The following FAM184B variants were observed in gnomAD, a reference collection of about 807,000 sequenced individuals.
The protein encoded by FAM184B is protein FAM184B.
Under a neutral mutation model 135.9 loss-of-function variants are expected in FAM184B, and 111 were observed. That is an observed-to-expected ratio of 0.82 (90% confidence interval 0.70 to 0.96). The LOEUF is 0.96. Among genes scored for constraint, FAM184B ranks in the 40% least tolerant of loss-of-function variants. FAM184B has a pLI of 0.00. For missense variants in FAM184B, 1,375 were observed against 1,323.9 expected (o/e 1.04, Z -0.60); for synonymous variants, 552 against 524.8 (o/e 1.05, Z -0.71).
chr4:17,666,275 A>T (rs1716046662), intron 7 of FAM184B, among the ~76,000 whole-genome samples: 1 of 150,938 alleles, frequency 6.6e-6, no homozygotes, highest in Non-Finnish European at 1.5e-5. Context: ...CCTAAGGAAC[A>T]CTCAACACTC....
intron 1 of FAM184B, among the ~76,000 whole-genome samples, chr4:17,711,692 C>G (rs1717275414): frequency 6.6e-6 from 1 of 151,822 alleles, no homozygotes; most frequent in Non-Finnish European, 1.5e-5. Context: ...GTTGAAGCCC[C>G]AGGAATAACA....
intron 12 of FAM184B, among the ~76,000 whole-genome samples, chr4:17,646,959 A>T (rs992443581): frequency 6.6e-6 from 1 of 152,122 alleles, no homozygotes; most frequent in African/African-American, 2.4e-5. Flanking sequence ...ACTTAGGGGA[A>T]CAGCAAGGTC....
At chr4:17,770,462 TTGTTG>T (rs1718793699) in intron 1 of FAM184B, among the ~76,000 whole-genome samples, 1 of 151,988 alleles carries the variant, frequency 6.6e-6, no homozygotes, top group Non-Finnish European at 1.5e-5. Context: ...GTTGTTGTTG[TTGTTG>T]TTGTTGTTTT....
At position 17,709,488 on chromosome 4, in the gene FAM184B, G is replaced by C. The variant is rs535660257; in HGVS notation, c.298C>G (p.Arg100Gly). The C allele has an allele frequency of 6.5e-7, 1 of 1,548,118 alleles. No individual in the cohort carries two copies. The highest frequency in any genetic ancestry group is 1.4e-5 in the African/African-American group (1 of 73,072). Reference protein sequence around the residue: ...GCAEEEALLQRIQALESALEL... With the variant: ...GCAEEEALLQGIQALESALEL... Reference sequence around the variant, plus strand: ...AGGGCGCTCTCCAGGGCCTGGATGCGCTGTAGAAGGGCTTCCTCCTCTGCG... The same window carrying C: ...AGGGCGCTCTCCAGGGCCTGGATGCCCTGTAGAAGGGCTTCCTCCTCTGCG... The change falls in exon 2 of 18, where the codon CGC (arginine) becomes GGC (glycine). Residue 100 changes from arginine to glycine, a missense_variant. Arg to Gly is a moderately radical substitution (Grantham distance 125, BLOSUM62 -2). Coordinates refer to ENST00000265018, the MANE Select transcript of FAM184B (RefSeq NM_015688.2).
At chr4:17,720,756 C>T (rs1717504571) in intron 1 of FAM184B, among the ~76,000 whole-genome samples, 1 of 151,606 alleles carries the variant, frequency 6.6e-6, no homozygotes, top group South Asian at 2.1e-4. Flanking sequence ...TGTGGTGGTG[C>T]ACCCCTGTGT....
At chr4:17,737,295 A>T (rs1200056656) in intron 1 of FAM184B, among the ~76,000 whole-genome samples, 4 of 152,216 alleles carry the variant, frequency 2.6e-5, no homozygotes, top group South Asian at 2.1e-4. Flanking sequence ...AGTTTAAGAG[A>T]TCTGGTCAAT....
intron 1 of FAM184B, among the ~76,000 whole-genome samples, chr4:17,723,993 G>A (rs148958825): frequency 1.3e-5 from 2 of 151,988 alleles, no homozygotes; most frequent in Non-Finnish European, 2.9e-5. Flanking sequence ...TCTTGTTCCA[G>A]GTTTGTTTCA....
intron 1 of FAM184B, among the ~76,000 whole-genome samples, chr4:17,719,483 G>A (rs923589963): frequency 2.6e-5 from 4 of 152,078 alleles, no homozygotes; most frequent in Admixed American, 2.0e-4. Context: ...TGGAAAGCAA[G>A]ACCACAGAAA....
At position 17,709,156 on chromosome 4, in the gene FAM184B, C is replaced by T; in HGVS notation, c.630G>A (p.Leu210=). 1 of 1,548,304 alleles carries T rather than the reference C, an allele frequency of 6.5e-7. No individual in the cohort carries two copies. Among genetic ancestry groups the T allele is most frequent in the South Asian group, 1.2e-5 (1 of 84,060 alleles). ...CGGCCTTGCGGGCGTAGTCCTTGCTCAGCTGCTGGTTCTCCACTCGCAGCC... is the reference window on the plus strand; with the variant it reads ...CGGCCTTGCGGGCGTAGTCCTTGCTTAGCTGCTGGTTCTCCACTCGCAGCC... The part of the protein sequence containing the change: ...VQRLRVENQQ[L]SKDYARKAEE... The change falls in exon 2 of 18, where the codon CTG becomes CTA. Residue 210 remains leucine, a synonymous_variant. Coordinates refer to ENST00000265018, the MANE Select transcript of FAM184B (RefSeq NM_015688.2).
chr4:17,637,113 G>T (rs1031689348), intron 14 of FAM184B, among the ~76,000 whole-genome samples: 1 of 151,972 alleles, frequency 6.6e-6, no homozygotes, highest in African/African-American at 2.4e-5. Context: ...TGCAACCTCC[G>T]CCTCCCTGGT....
Position 17,636,528 on chromosome 4 carries a change from C to G in FAM184B, c.2784G>C (p.Thr928=). The part of the protein sequence containing the change: ...KEREDIIKQL[T]EERRFHYAAF... ...GTGAGGCGCCCCCTGACAGCCTCAC[C>G]GTGAGCTGCTTGATGATGTCCTCTC... The change falls in exon 15 of 18, where the codon ACG becomes ACC. Residue 928 remains threonine, a splice_region_variant and synonymous_variant. Transcript: ENST00000265018. 6.5e-7 allele frequency: 1 copy of G among 1,550,130 alleles called. No individual in the cohort carries two copies. Among genetic ancestry groups the G allele is most frequent in the Non-Finnish European group, 8.7e-7 (1 of 1,146,690 alleles).
In FAM184B at chr4:17,781,511, T is replaced by C; in HGVS notation, c.-212A>G. On this transcript the variant is annotated 5_prime_UTR_variant, in exon 1 of 18. Coordinates refer to ENST00000265018, the MANE Select transcript of FAM184B (RefSeq NM_015688.2). The surrounding 1 kb of genome is among the most constrained non-coding windows in gnomAD (Gnocchi z 6.5). ...CCACCCTTTTTCCTCTCCTGCTGGT[T>C]CTCTGGCTGGCTGGCTCCGCGGGCA... 1.9e-6 allele frequency: 1 copy of C among 532,364 alleles called. No individual in the cohort carries two copies. The allele number at this position is 532,364 out of a possible 1,614,324, so 33.0% of individuals were successfully genotyped here.
At chr4:17,687,680 G>A (rs531870010) in intron 7 of FAM184B, among the ~76,000 whole-genome samples, 33 of 152,276 alleles carry the variant, frequency 2.2e-4, no homozygotes, top group Middle Eastern at 3.4e-3. Flanking sequence ...GAAAGAGGCC[G>A]TGTGATGACA....
chr4:17,776,425 G>C (rs910977062), intron 1 of FAM184B, among the ~76,000 whole-genome samples: 1 of 152,124 alleles, frequency 6.6e-6, no homozygotes. Context: ...TTTCACTCTT[G>C]TTGCCCAGGC....
At position 17,647,790 on chromosome 4, in the gene FAM184B, C is replaced by T. The variant is rs1560167030; in HGVS notation, c.2193G>A (p.Glu731=). ...RMQAQQALLL[E]SLRQELSEQQ... Reference sequence around the variant, plus strand: ...GCTCCGACAGCTCCTGTCTGAGCGACTCTGGAAAAGGGAGAGCAGCAGTGA... The same window carrying T: ...GCTCCGACAGCTCCTGTCTGAGCGATTCTGGAAAAGGGAGAGCAGCAGTGA... The change falls in exon 12 of 18, where the codon GAG becomes GAA. Residue 731 remains glutamate, a splice_region_variant and synonymous_variant. Coordinates refer to ENST00000265018, the MANE Select transcript of FAM184B (RefSeq NM_015688.2). 9.7e-6 allele frequency: 15 copies of T among 1,549,738 alleles called. No homozygotes were observed. Among genetic ancestry groups the T allele is most frequent in the Non-Finnish European group, 1.3e-5 (15 of 1,146,532 alleles).
intron 1 of FAM184B, among the ~76,000 whole-genome samples, chr4:17,734,406 G>C (rs904463707): frequency 6.6e-5 from 10 of 151,966 alleles, no homozygotes; most frequent in African/African-American, 2.2e-4. Flanking sequence ...CCTACAAAAT[G>C]GGAGAAAATT....
In FAM184B at chr4:17,688,470, C is replaced by A. The variant is rs902895758; in HGVS notation, c.1550G>T (p.Ser517Ile). 2 of 1,551,170 alleles carry A rather than the reference C, an allele frequency of 1.3e-6. No individual in the cohort carries two copies. The highest frequency in any genetic ancestry group is 2.7e-5 in the African/African-American group (2 of 73,066). ...GTGCTGGCGGCCTAATTCCTGGGGACTTTCCTCAGCTCCTGTGGGGCGTGT... is the reference window on the plus strand; with the variant it reads ...GTGCTGGCGGCCTAATTCCTGGGGAATTTCCTCAGCTCCTGTGGGGCGTGT... ...NKTRPTGAEE[S>I]PQELGRQHCS... Residue 517 changes from serine to isoleucine, a missense_variant, in exon 7 of 18, where the codon AGT becomes ATT. Coordinates refer to ENST00000265018, the MANE Select transcript of FAM184B (RefSeq NM_015688.2).
chr4:17,736,152 GTT>G (rs933423640), intron 1 of FAM184B, among the ~76,000 whole-genome samples: 1 of 152,112 alleles, frequency 6.6e-6, no homozygotes, highest in African/African-American at 2.4e-5. Flanking sequence ...TATTGCCCCA[GTT>G]TTACAGATAG....
At chr4:17,774,743 T>C (rs1577298793) in intron 1 of FAM184B, among the ~76,000 whole-genome samples, 1 of 152,230 alleles carries the variant, frequency 6.6e-6, no homozygotes, top group South Asian at 2.1e-4. Flanking sequence ...TTGCTTGTTT[T>C]AAACTTTGAC....
Sources: allele counts gnomAD v4.1 joint callset (sites outside exome capture counted in the v4.1 genomes callset), GRCh38; gene constraint gnomAD v4.1.1; non-coding constraint Gnocchi (gnomAD v3.1); transcripts MANE v1.5; gene names NCBI Gene and HGNC (gene_info 2026-07-23, HGNC 2026-07-21).